Variants in CPNE4 observed in about 807,000 individuals in gnomAD.
CPNE4 encodes the protein copine 4.
A neutral mutation model predicts 67.9 loss-of-function variants in CPNE4; 25 were observed. That is an observed-to-expected ratio of 0.37 (90% CI 0.27 to 0.51). The LOEUF is 0.51. Among genes scored for constraint, CPNE4 ranks in the 20% least tolerant of loss-of-function variants. CPNE4 has a pLI of 0.93. For synonymous variants in CPNE4, 242 were observed against 244.9 expected (o/e 0.99, Z 0.11); for missense variants, 464 against 690.8 (o/e 0.67, Z 3.68).
intron 2 of CPNE4, among the ~76,000 whole-genome samples, chr3:131,747,664 C>A (rs1041744689): frequency 6.6e-6 from 1 of 152,056 alleles, no homozygotes; most frequent in African/African-American, 2.4e-5. Flanking sequence ...GTACCACATG[C>A]CCAGCTGGTT....
intron 13 of CPNE4, 115 bp from the exon 14 acceptor site, chr3:131,550,195 G>C: frequency 9.5e-7 from 1 of 1,054,038 alleles, no homozygotes; most frequent in Middle Eastern, 2.7e-4. Flanking sequence ...TCAACATCAT[G>C]TTTATGTTCT....
chr3:131,867,217 T>C (rs1232895645), intron 2 of CPNE4, among the ~76,000 whole-genome samples: 1 of 152,076 alleles, frequency 6.6e-6, no homozygotes, highest in Non-Finnish European at 1.5e-5. Flanking sequence ...TAAAGAGGGC[T>C]GTGACACACA....
Position 131,696,584 on chromosome 3 carries a change from G to A in CPNE4, c.465C>T (p.Asp155=), listed in dbSNP as rs754468816. 34 of 1,613,862 alleles carry A rather than the reference G, an allele frequency of 2.1e-5. No homozygotes were observed. The highest frequency in any genetic ancestry group is 1.6e-4 in the Middle Eastern group (1 of 6,082). ...VIAEELSGND[D]YVELAFNARK... ...GTGCATTGAATGCAAGCTCAACATA[G>A]TCGTCATTGCCAGATAATTCTTCAG... Residue 155 remains aspartate (D), a synonymous_variant, in exon 5 of 16, where the codon GAC becomes GAT. Coordinates refer to ENST00000429747, the MANE Select transcript of CPNE4 (RefSeq NM_130808.3).
intron 2 of CPNE4, among the ~76,000 whole-genome samples, chr3:131,863,764 A>T (rs2107675128): frequency 6.6e-6 from 1 of 152,282 alleles, no homozygotes; most frequent in South Asian, 2.1e-4. Context: ...GGTGTTTTAG[A>T]CATGAAGTCC....
chr3:131,618,107 A>C (rs1940263193), intron 7 of CPNE4, among the ~76,000 whole-genome samples: 1 of 152,140 alleles, frequency 6.6e-6, no homozygotes, highest in South Asian at 2.1e-4. Context: ...GGTATAAGAT[A>C]ACTACTGGAG....
chr3:131,771,558 C>T (rs1410129751), intron 2 of CPNE4, among the ~76,000 whole-genome samples: 1 of 152,112 alleles, frequency 6.6e-6, no homozygotes, highest in Admixed American at 6.6e-5. Context: ...ATATGATTTG[C>T]ACACACCCAG....
chr3:131,985,084 T>C (rs74968972), intron 1 of CPNE4, among the ~76,000 whole-genome samples: 10,883 of 152,306 alleles, frequency 0.071, 572 homozygotes, highest in South Asian at 0.15. Context: ...ATGCCAGCAT[T>C]GTGAGGGCTC....
At chr3:131,551,905 G>C (rs1359030289) in intron 13 of CPNE4, among the ~76,000 whole-genome samples, 1 of 151,906 alleles carries the variant, frequency 6.6e-6, no homozygotes, top group Non-Finnish European at 1.5e-5. Flanking sequence ...GGAAACAATG[G>C]AACATGAACC....
At chr3:131,988,785 A>G (rs2073112584) in intron 1 of CPNE4, among the ~76,000 whole-genome samples, 1 of 152,228 alleles carries the variant, frequency 6.6e-6, no homozygotes, top group Non-Finnish European at 1.5e-5. Context: ...AAATAAATCC[A>G]CAAATTAAAA....
chr3:131,691,421 T>C (rs985877912), intron 5 of CPNE4, among the ~76,000 whole-genome samples: 2 of 152,180 alleles, frequency 1.3e-5, no homozygotes, highest in Non-Finnish European at 2.9e-5. Flanking sequence ...CTGAAGGCCA[T>C]GATCCTAAGG....
intron 7 of CPNE4, among the ~76,000 whole-genome samples, chr3:131,611,097 C>T (rs1939812878): frequency 6.6e-6 from 1 of 152,026 alleles, no homozygotes; most frequent in Admixed American, 6.6e-5. Flanking sequence ...TTTTAAAAAA[C>T]AGAAAACAAA....
At chr3:131,976,349 C>T (rs548246591) in intron 1 of CPNE4, among the ~76,000 whole-genome samples, 2 of 151,806 alleles carry the variant, frequency 1.3e-5, no homozygotes, top group Admixed American at 1.3e-4. Context: ...CAAATGAAAA[C>T]ACAACAGCAA....
chr3:131,633,014 C>T (rs1277385042), intron 7 of CPNE4, among the ~76,000 whole-genome samples: 1 of 152,182 alleles, frequency 6.6e-6, no homozygotes, highest in African/African-American at 2.4e-5. Flanking sequence ...TGGTGCCTAA[C>T]ATTTGGGTCT....
At chr3:131,932,280 C>T (rs1553808057) in intron 1 of CPNE4, among the ~76,000 whole-genome samples, 1 of 152,150 alleles carries the variant, frequency 6.6e-6, no homozygotes, top group African/African-American at 2.4e-5. Context: ...TGAAAGGAAA[C>T]CTGGCTATCT....
chr3:132,007,332 G>C (rs1433721341), intron 1 of CPNE4, among the ~76,000 whole-genome samples: 1 of 152,154 alleles, frequency 6.6e-6, no homozygotes, highest in Non-Finnish European at 1.5e-5. Context: ...TCAAGGGACT[G>C]TTTTCTCCTA....
At chr3:131,753,173 A>C (rs2082672049) in intron 2 of CPNE4, among the ~76,000 whole-genome samples, 1 of 151,920 alleles carries the variant, frequency 6.6e-6, no homozygotes, top group African/African-American at 2.4e-5. Flanking sequence ...TCTCAGAGGA[A>C]AGAAATAAAT....
intron 2 of CPNE4, among the ~76,000 whole-genome samples, chr3:131,779,305 C>T (rs975340200): frequency 5.3e-5 from 8 of 151,948 alleles, no homozygotes; most frequent in Non-Finnish European, 1.2e-4. Context: ...AAACTACCAA[C>T]ATTTTTCACA....
chr3:131,922,761 T>G (rs889492425), intron 1 of CPNE4, among the ~76,000 whole-genome samples: 4 of 152,112 alleles, frequency 2.6e-5, no homozygotes, highest in African/African-American at 9.7e-5. Context: ...CCCAAGACTA[T>G]TGTGAGAATT....
At chr3:131,667,387 A>G (rs1470316562) in intron 7 of CPNE4, among the ~76,000 whole-genome samples, 1 of 152,144 alleles carries the variant, frequency 6.6e-6, no homozygotes, top group Non-Finnish European at 1.5e-5. Flanking sequence ...TTTACACTCT[A>G]GAGAACATTT....
Sources: gnomAD v4.1 joint callset for allele counts (sites outside exome capture counted in the v4.1 genomes callset) on GRCh38, gnomAD v4.1.1 for gene constraint, MANE v1.5 for transcripts, NCBI Gene and HGNC (gene_info 2026-07-23, HGNC 2026-07-21) for gene names.